SEMA3D: variants seen among roughly 807,000 people sequenced by gnomAD.
SEMA3D encodes the protein semaphorin-3D.
Under a neutral mutation model 100.1 loss-of-function variants are expected in SEMA3D, and 84 were observed. The ratio of observed to expected loss-of-function variants is 0.84; its 90% CI spans 0.70 to 1.01. The LOEUF (loss-of-function observed/expected upper bound fraction) is 1.01. SEMA3D is among the 50% of genes least tolerant of loss of function. SEMA3D has a pLI of 0.00. For synonymous variants in SEMA3D, 312 were observed against 320.7 expected (o/e 0.97, Z 0.29); for missense variants, 875 against 934.1 (o/e 0.94, Z 0.82).
At chr7:85,158,869 AATTTCACCTGAT>A (rs1790669529) in intron 1 of SEMA3D, among the ~76,000 whole-genome samples, 1 of 152,106 alleles carries the variant, frequency 6.6e-6, no homozygotes, top group Non-Finnish European at 1.5e-5. Context: ...ATCAGAGGTG[AATTTCACCTGAT>A]ATATCATCAG....
chr7:85,138,044 G>A lies in SEMA3D; in HGVS notation c.-41+15564C>T, dbSNP rs137961267. 2.8e-3 allele frequency among the ~76,000 whole-genome samples: 433 copies of A among 152,154 alleles called. 1 individual carries two copies. Among genetic ancestry groups the A allele is most frequent in the African/African-American group, 0.01 (420 of 41,534 alleles). Reference sequence around the variant, plus strand: ...GCCTCTTACCTCTCCAAAAAATTTGGAAAGATGCTTAGGCACAGAAAATGT... The same window carrying A: ...GCCTCTTACCTCTCCAAAAAATTTGAAAAGATGCTTAGGCACAGAAAATGT... On this transcript the variant is annotated intron_variant, in intron 2 of 18. Coordinates refer to ENST00000284136, the MANE Select transcript of SEMA3D (RefSeq NM_001384900.1).
intron 2 of SEMA3D, among the ~76,000 whole-genome samples, chr7:85,132,730 AC>A (rs1789761048): frequency 6.6e-6 from 1 of 151,978 alleles, no homozygotes. Flanking sequence ...TATAATTAAT[AC>A]AAGTTTTATA....
At chr7:85,235,352 G>T in the SEMA3D span, among the ~76,000 whole-genome samples, 1 of 151,916 alleles carries the variant, frequency 6.6e-6, no homozygotes, top group African/African-American at 2.4e-5. Flanking sequence ...GGCAAATATT[G>T]GGTGCTCTTG....
chr7:85,006,094 A>G (rs1474411792), intron 18 of SEMA3D, among the ~76,000 whole-genome samples: 2 of 151,966 alleles, frequency 1.3e-5, no homozygotes, highest in Non-Finnish European at 2.9e-5. Flanking sequence ...AAATACCCTC[A>G]CTAATAGGGT....
chr7:85,066,695 A>G (rs991237138), intron 7 of SEMA3D, among the ~76,000 whole-genome samples: 1 of 152,028 alleles, frequency 6.6e-6, no homozygotes, highest in Non-Finnish European at 1.5e-5. Context: ...CCTAAATATG[A>G]GAACAAATAC....
At chr7:85,160,189 C>T (rs7777999) in intron 1 of SEMA3D, 161,392 of 248,766 alleles carry the variant, frequency 0.65, 54,419 homozygotes, top group East Asian at 0.92. Context: ...TATATAAATA[C>T]AAGTAAATAC....
intron 3 of SEMA3D, among the ~76,000 whole-genome samples, chr7:85,118,431 T>C (rs930323041): frequency 5.3e-5 from 8 of 152,162 alleles, no homozygotes; most frequent in Non-Finnish European, 1.0e-4. Context: ...CTGGACATTA[T>C]GGATATTAAA....
the SEMA3D span, among the ~76,000 whole-genome samples, chr7:85,199,884 G>A: frequency 5.8e-4 from 88 of 152,254 alleles, 1 homozygote; most frequent in African/African-American, 2.0e-3. Flanking sequence ...TTGAATTATG[G>A]AGGCAGGTGC....
chr7:85,249,830 T>C, the SEMA3D span, among the ~76,000 whole-genome samples: 2 of 152,192 alleles, frequency 1.3e-5, no homozygotes, highest in African/African-American at 2.4e-5. Flanking sequence ...TAGTAAGTTA[T>C]ATAAAAATTA....
At chr7:85,170,412 A>AAC (rs1249723116) in intron 1 of SEMA3D, among the ~76,000 whole-genome samples, 1 of 151,866 alleles carries the variant, frequency 6.6e-6, no homozygotes, top group Non-Finnish European at 1.5e-5. Context: ...TTCCATTGTG[A>AAC]ATTTTGGGAA....
intron 1 of SEMA3D, among the ~76,000 whole-genome samples, chr7:85,181,198 C>T (rs945230513): frequency 6.6e-6 from 1 of 152,254 alleles, no homozygotes; most frequent in South Asian, 2.1e-4. Context: ...GCCAATCTTG[C>T]TTTCTAATGC....
Position 85,098,596 on chromosome 7 carries a change from C to T in SEMA3D, c.152-631G>A, listed in dbSNP as rs115556831. Among the ~76,000 whole-genome samples, 814 of 151,826 alleles carry T rather than the reference C, an allele frequency of 5.4e-3. 8 individuals carry two copies. The highest frequency in any genetic ancestry group is 0.019 in the African/African-American group (779 of 41,442). Reference sequence around the variant, plus strand: ...AGAAATTTCCTGTATACTTCTTGCCCCACACATTCATAGCTTCTCCCATCA... The same window carrying T: ...AGAAATTTCCTGTATACTTCTTGCCTCACACATTCATAGCTTCTCCCATCA... On this transcript the variant is annotated intron_variant, in intron 3 of 18. Transcript: ENST00000284136.
intron 4 of SEMA3D, 77 bp downstream of exon 4, chr7:85,097,728 C>G (rs1788604779): frequency 1.0e-6 from 1 of 952,516 alleles, no homozygotes; most frequent in African/African-American, 1.7e-5. Context: ...TCCCTTAAAA[C>G]AAAGCAAAAC....
the SEMA3D span, among the ~76,000 whole-genome samples, chr7:85,232,443 C>G: frequency 4.6e-5 from 7 of 152,052 alleles, no homozygotes; most frequent in Admixed American, 6.6e-5. Context: ...GAAAGATTTC[C>G]GTAAAAAAGG....
chr7:85,034,883 G>A (rs1790649273), intron 12 of SEMA3D, among the ~76,000 whole-genome samples: 1 of 152,036 alleles, frequency 6.6e-6, no homozygotes, highest in Admixed American at 6.6e-5. Context: ...ATGCAAAATG[G>A]TACTGCCACT....
At chr7:85,023,980 A>C (rs1439844923) in intron 12 of SEMA3D, among the ~76,000 whole-genome samples, 1 of 151,966 alleles carries the variant, frequency 6.6e-6, no homozygotes, top group Non-Finnish European at 1.5e-5. Flanking sequence ...AGAGATTAGA[A>C]ACGTCCTAGA....
intron 1 of SEMA3D, among the ~76,000 whole-genome samples, chr7:85,168,594 C>T (rs2116538354): frequency 6.9e-6 from 1 of 145,934 alleles, no homozygotes; most frequent in East Asian, 2.0e-4. Context: ...CAGATTGGTG[C>T]AAAAGTAATT....
At chr7:85,122,193 A>G (rs981218455) in intron 2 of SEMA3D, among the ~76,000 whole-genome samples, 1 of 150,766 alleles carries the variant, frequency 6.6e-6, no homozygotes, top group African/African-American at 2.5e-5. Context: ...TATGTAAGAA[A>G]CCTGCACGTT....
At chr7:85,036,554 T>G (rs1465584632) in intron 12 of SEMA3D, among the ~76,000 whole-genome samples, 1 of 152,122 alleles carries the variant, frequency 6.6e-6, no homozygotes, top group African/African-American at 2.4e-5. Flanking sequence ...ATGTGAGAAA[T>G]AATACTTCTT....
Sources: gnomAD v4.1 joint callset for allele counts (sites outside exome capture counted in the v4.1 genomes callset) on GRCh38, gnomAD v4.1.1 for gene constraint, MANE v1.5 for transcripts, NCBI Gene and HGNC (gene_info 2026-07-23, HGNC 2026-07-21) for gene names.